Variants in RGSL1 observed in about 807,000 individuals in gnomAD.
The protein encoded by RGSL1 is regulator of G protein signaling like 1.
Under a neutral mutation model 124.7 loss-of-function variants are expected in RGSL1, and 97 were observed. The observed-to-expected ratio is 0.78, with a 90% CI of 0.66 to 0.92. The LOEUF (loss-of-function observed/expected upper bound fraction) is 0.92, where lower values mean the gene tolerates loss of function less well. Among genes scored for constraint, RGSL1 ranks in the 40% least tolerant of loss-of-function variants. RGSL1 has a pLI of 0.00. For missense variants in RGSL1, 1,233 were observed against 1,288.4 expected (o/e 0.96, Z 0.66); for synonymous variants, 424 against 438.1 (o/e 0.97, Z 0.40).
At chr1:182,459,695 C>A (rs1652649134) in intron 3 of RGSL1, among the ~76,000 whole-genome samples, 1 of 152,184 alleles carries the variant, frequency 6.6e-6, no homozygotes, top group Admixed American at 6.5e-5. Flanking sequence ...TGCTTTTCTT[C>A]TGTCAAGCGA....
At chr1:182,558,329 G>A (rs1030495514) in intron 21 of RGSL1, among the ~76,000 whole-genome samples, 2 of 149,306 alleles carry the variant, frequency 1.3e-5, no homozygotes, top group Non-Finnish European at 2.9e-5. Flanking sequence ...CAAGAAAGAG[G>A]GACCAGGTAA....
At chr1:182,539,865 T>C (rs1404008933) in intron 14 of RGSL1, among the ~76,000 whole-genome samples, 1 of 152,206 alleles carries the variant, frequency 6.6e-6, no homozygotes. Flanking sequence ...CTTTCCTCAT[T>C]TGCTCCTAAA....
intron 10 of RGSL1, among the ~76,000 whole-genome samples, chr1:182,523,639 G>A (rs1658520337): frequency 6.6e-6 from 1 of 152,204 alleles, no homozygotes; most frequent in Non-Finnish European, 1.5e-5. Flanking sequence ...CTTCAGTTAA[G>A]ACCAAGCAGA....
intron 4 of RGSL1, among the ~76,000 whole-genome samples, chr1:182,468,451 G>A (rs772286920): frequency 3.1e-4 from 47 of 152,316 alleles, no homozygotes; most frequent in Non-Finnish European, 5.1e-4. Flanking sequence ...AAAATGATGA[G>A]TTCATGTCCT....
At chr1:182,537,794 T>C (rs1659645085) in intron 14 of RGSL1, among the ~76,000 whole-genome samples, 1 of 152,208 alleles carries the variant, frequency 6.6e-6, no homozygotes, top group African/African-American at 2.4e-5. Flanking sequence ...TCTTTAATGC[T>C]TTCAGATCCC....
intron 9 of RGSL1, among the ~76,000 whole-genome samples, chr1:182,514,181 C>G (rs569885663): frequency 6.6e-6 from 1 of 152,310 alleles, no homozygotes; most frequent in African/African-American, 2.4e-5. Context: ...GCGTGAGCTA[C>G]CATGCCCAGC....
At chr1:182,454,539 T>A (rs1652123619) in intron 2 of RGSL1, among the ~76,000 whole-genome samples, 1 of 152,032 alleles carries the variant, frequency 6.6e-6, no homozygotes. Flanking sequence ...TGATGGGAAC[T>A]TCTCTGCTTC....
At chr1:182,500,027 A>C (rs1656231408) in intron 9 of RGSL1, among the ~76,000 whole-genome samples, 1 of 152,080 alleles carries the variant, frequency 6.6e-6, no homozygotes, top group Admixed American at 6.5e-5. Context: ...GTGAAGTCCA[A>C]TTTGTGTTTT....
chr1:182,511,628 G>T (rs1289285310), intron 9 of RGSL1, among the ~76,000 whole-genome samples: 2 of 152,096 alleles, frequency 1.3e-5, no homozygotes, highest in African/African-American at 4.8e-5. Flanking sequence ...TGTTTCCATG[G>T]TGCTGATTTG....
At chr1:182,514,806 G>A (rs56395410) in intron 9 of RGSL1, among the ~76,000 whole-genome samples, 24,260 of 152,198 alleles carry the variant, frequency 0.16, 2,331 homozygotes, top group Middle Eastern at 0.27. Flanking sequence ...TCCTTCCTGA[G>A]GCCAAGCCAA....
chr1:182,480,487 G>T (rs1033786508), intron 6 of RGSL1, among the ~76,000 whole-genome samples: 1 of 148,052 alleles, frequency 6.8e-6, no homozygotes, highest in Non-Finnish European at 1.5e-5. Flanking sequence ...ACAGAGTCAC[G>T]CTCTGTCACC....
intron 9 of RGSL1, among the ~76,000 whole-genome samples, chr1:182,521,449 G>A (rs1413409478): frequency 6.6e-6 from 1 of 152,236 alleles, no homozygotes; most frequent in Non-Finnish European, 1.5e-5. Context: ...TTCTGAACTT[G>A]CATGGTGTGC....
intron 4 of RGSL1, among the ~76,000 whole-genome samples, chr1:182,464,101 A>G (rs1269585345): frequency 6.6e-6 from 1 of 152,234 alleles, no homozygotes; most frequent in Non-Finnish European, 1.5e-5. Context: ...GTATTAAACA[A>G]TGGATCAAAG....
At position 182,560,271 on chromosome 1, in the gene RGSL1, T is replaced by C. The variant is rs1303317814; in HGVS notation, c.*166-8T>C. ...ATCTTGATGCTTTAAGAACTCTTTG[T>C]TTTTTAGGAATCTCATACAGCCCAT... On this transcript the variant is annotated splice_polypyrimidine_tract_variant and splice_region_variant and intron_variant, in intron 21 of 21. Coordinates refer to ENST00000294854, the MANE Select transcript of RGSL1 (RefSeq NM_001137669.2). 1 of 152,202 alleles carries C rather than the reference T, an allele frequency of 6.6e-6. No individual in the cohort carries two copies. The highest frequency in any genetic ancestry group is 1.5e-5 in the Non-Finnish European group (1 of 68,032). 9.4% of individuals were successfully genotyped at this position (152,202 alleles called of 1,614,324 possible). A position where few individuals can be genotyped will look rare whatever the true frequency, so the allele number is the denominator to read the frequency against.
chr1:182,485,344 T>G (rs1193708644), intron 6 of RGSL1, among the ~76,000 whole-genome samples: 1 of 152,180 alleles, frequency 6.6e-6, no homozygotes, highest in East Asian at 1.9e-4. Context: ...CTTTTGTTAT[T>G]TTAACTTTTA....
At chr1:182,478,416 A>C (rs1460293528) in intron 6 of RGSL1, among the ~76,000 whole-genome samples, 1 of 152,236 alleles carries the variant, frequency 6.6e-6, no homozygotes, top group African/African-American at 2.4e-5. Context: ...CTCAACTGAA[A>C]AATTCAATAA....
At chr1:182,529,405 T>C (rs1319902464) in intron 11 of RGSL1, among the ~76,000 whole-genome samples, 1 of 152,134 alleles carries the variant, frequency 6.6e-6, no homozygotes, top group Non-Finnish European at 1.5e-5. Context: ...CCACCACCCA[T>C]GAATTGTGAA....
In RGSL1 at chr1:182,474,312, G is replaced by T. The variant is rs373093742; in HGVS notation, c.1201G>T (p.Asp401Tyr). 64 of 1,551,648 alleles carry T rather than the reference G, an allele frequency of 4.1e-5. No homozygotes were observed. The highest frequency in any genetic ancestry group is 5.3e-5 in the Non-Finnish European group (61 of 1,146,998). Residue 401 changes from aspartate (D) to tyrosine (Y), a missense_variant, in exon 6 of 22, where the codon GAC becomes TAC. Physicochemically the swap from Asp to Tyr is radical, Grantham distance 160 (BLOSUM62 -3). Coordinates refer to ENST00000294854, the MANE Select transcript of RGSL1 (RefSeq NM_001137669.2). ...LNLKVEIQLLDLWQDLQHFLS... is the reference protein window; with the variant it reads ...LNLKVEIQLLYLWQDLQHFLS... The stretch of plus-strand genomic sequence containing the variant: ...TTTGAAAGTGGAGATCCAACTTCTT[G>T]ACCTCTGGCAGGACTTGCAGCATTT...
At chr1:182,491,230 A>T (rs2102104305) in intron 8 of RGSL1, among the ~76,000 whole-genome samples, 1 of 151,964 alleles carries the variant, frequency 6.6e-6, no homozygotes, top group Admixed American at 6.6e-5. Flanking sequence ...TATTATTATT[A>T]TTTGAGATGG....
Sources: allele counts gnomAD v4.1 joint callset (sites outside exome capture counted in the v4.1 genomes callset), GRCh38; gene constraint gnomAD v4.1.1; transcripts MANE v1.5; gene names NCBI Gene and HGNC (gene_info 2026-07-23, HGNC 2026-07-21).